Variants in SMYD3 observed in about 807,000 individuals in gnomAD.
SMYD3 encodes histone-lysine N-methyltransferase SMYD3.
Under a neutral mutation model 57.7 loss-of-function variants are expected in SMYD3, and 36 were observed. That is an observed-to-expected ratio of 0.62 (90% CI 0.48 to 0.82). SMYD3 has a LOEUF of 0.82. SMYD3 is among the 40% of genes least tolerant of loss of function. The pLI, the probability that SMYD3 is intolerant of heterozygous loss-of-function variation, is 0.00. For missense variants in SMYD3, 515 were observed against 538.8 expected, an observed-to-expected ratio of 0.96 and a Z score of 0.44; for synonymous variants, 211 against 195.0, an observed-to-expected ratio of 1.08 and a Z score of -0.68.
At chr1:246,201,749 A>G (rs2062925829) in intron 5 of SMYD3, among the ~76,000 whole-genome samples, 1 of 152,208 alleles carries the variant, frequency 6.6e-6, no homozygotes, top group Admixed American at 6.5e-5. Flanking sequence ...GCGGTGGCTC[A>G]CGCCAGTAAT....
intron 5 of SMYD3, among the ~76,000 whole-genome samples, chr1:245,974,432 T>A (rs1290280126): frequency 1.3e-5 from 2 of 152,226 alleles, no homozygotes; most frequent in Non-Finnish European, 2.9e-5. Flanking sequence ...TATTTCATTT[T>A]TCCCATCTCC....
intron 5 of SMYD3, among the ~76,000 whole-genome samples, chr1:246,085,551 T>C (rs2060708251): frequency 6.6e-6 from 1 of 152,158 alleles, no homozygotes; most frequent in African/African-American, 2.4e-5. Context: ...TCTCCAAACA[T>C]GCAGTGACAT....
At chr1:246,506,999 C>CCCCCGCA in intron 1 of SMYD3, 55 bp downstream of exon 1, 1 of 972,794 alleles carries the variant, frequency 1.0e-6, no homozygotes, top group South Asian at 1.9e-5. Context: ...GCCCCCCCCT[C>CCCCCGCA]CCCAGCACCC....
chr1:245,910,335 T>C (rs2054876894), intron 8 of SMYD3, among the ~76,000 whole-genome samples: 1 of 152,076 alleles, frequency 6.6e-6, no homozygotes, highest in Admixed American at 6.6e-5. Flanking sequence ...CCCATGTGGA[T>C]TGGAAGAATA....
In SMYD3 at chr1:246,156,056, A is replaced by C. The variant is rs113850431; in HGVS notation, c.531+171145T>G. 8.8e-3 allele frequency among the ~76,000 whole-genome samples: 1,312 copies of C among 149,004 alleles called. 18 individuals are homozygous for C. The highest frequency in any genetic ancestry group is 0.03 in the African/African-American group (1,216 of 40,742). ...TGAGCTACAGAGTTCGAAGGACAGA[A>C]TTTTTTTTTTTCAATTAATGTTAAG... is the stretch of plus-strand genomic sequence containing the variant. On this transcript the variant is annotated intron_variant, in intron 5 of 11. Transcript: ENST00000490107.
At chr1:246,363,192 C>T (rs1392237457) in intron 1 of SMYD3, among the ~76,000 whole-genome samples, 3 of 151,668 alleles carry the variant, frequency 2.0e-5, no homozygotes, top group Non-Finnish European at 4.4e-5. Flanking sequence ...CCGGCAGCCA[C>T]CCCGTCTGGG....
chr1:246,030,486 C>T (rs1173976906), intron 5 of SMYD3, among the ~76,000 whole-genome samples: 3 of 152,026 alleles, frequency 2.0e-5, no homozygotes, highest in Non-Finnish European at 4.4e-5. Flanking sequence ...ATGGAGTTTG[C>T]GTGTTCTGCA....
chr1:246,042,502 C>T (rs1402806214), intron 5 of SMYD3, among the ~76,000 whole-genome samples: 2 of 152,166 alleles, frequency 1.3e-5, no homozygotes, highest in Non-Finnish European at 2.9e-5. Flanking sequence ...CACCGGTCTG[C>T]TCTTTGGGAA....
intron 8 of SMYD3, among the ~76,000 whole-genome samples, chr1:245,904,394 C>T (rs544647042): frequency 1.3e-5 from 2 of 152,300 alleles, no homozygotes; most frequent in East Asian, 3.9e-4. Flanking sequence ...ATTACCCAGT[C>T]TCAGGTAATA....
At chr1:246,263,777 AG>A (rs1572301146) in intron 5 of SMYD3, among the ~76,000 whole-genome samples, 1 of 152,352 alleles carries the variant, frequency 6.6e-6, no homozygotes, top group South Asian at 2.1e-4. Context: ...AAACCTAAAT[AG>A]TGGTTAATTT....
intron 5 of SMYD3, among the ~76,000 whole-genome samples, chr1:246,091,501 A>AG (rs936212538): frequency 2.0e-5 from 3 of 152,112 alleles, no homozygotes; most frequent in Non-Finnish European, 4.4e-5. Flanking sequence ...ACAAAAAAAA[A>AG]AAAAAAAGAA....
At chr1:246,367,674 C>T (rs532022226) in intron 1 of SMYD3, among the ~76,000 whole-genome samples, 1 of 152,054 alleles carries the variant, frequency 6.6e-6, no homozygotes, top group Non-Finnish European at 1.5e-5. Context: ...TCAAGTGATC[C>T]GCCCACCTCA....
chr1:245,995,368 C>G (rs2058906241), intron 5 of SMYD3, among the ~76,000 whole-genome samples: 1 of 152,158 alleles, frequency 6.6e-6, no homozygotes, highest in Non-Finnish European at 1.5e-5. Context: ...ACCCATATGA[C>G]AAGTATTTAG....
At chr1:246,102,336 G>A (rs1036716719) in intron 5 of SMYD3, among the ~76,000 whole-genome samples, 22 of 152,190 alleles carry the variant, frequency 1.4e-4, no homozygotes, top group Admixed American at 7.8e-4. Flanking sequence ...CCACTGCACC[G>A]TCTCTCAGGT....
intron 8 of SMYD3, among the ~76,000 whole-genome samples, chr1:245,864,222 C>T (rs2051704226): frequency 1.3e-5 from 2 of 152,100 alleles, no homozygotes; most frequent in Non-Finnish European, 2.9e-5. Context: ...TTTCATGTTC[C>T]CAATTAGAGT....
intron 5 of SMYD3, among the ~76,000 whole-genome samples, chr1:246,169,665 C>T (rs530477067): frequency 6.6e-6 from 1 of 152,074 alleles, no homozygotes; most frequent in East Asian, 1.9e-4. Context: ...TCCCAGCATT[C>T]GGCCAAGGCA....
At chr1:245,853,561 G>A (rs1438671869) in intron 10 of SMYD3, among the ~76,000 whole-genome samples, 1 of 152,150 alleles carries the variant, frequency 6.6e-6, no homozygotes, top group Non-Finnish European at 1.5e-5. Context: ...CATGTACCCG[G>A]CAAGCTCTGC....
intron 1 of SMYD3, among the ~76,000 whole-genome samples, chr1:246,397,076 C>A (rs538674995): frequency 4.6e-5 from 7 of 152,160 alleles, no homozygotes; most frequent in Non-Finnish European, 1.0e-4. Flanking sequence ...CATCTCTTTG[C>A]CTGTTCATGG....
chr1:245,983,524 TC>T (rs2058643413), intron 5 of SMYD3, among the ~76,000 whole-genome samples: 1 of 152,216 alleles, frequency 6.6e-6, no homozygotes, highest in East Asian at 1.9e-4. Flanking sequence ...GTTTGACTTT[TC>T]TTCTTAAAAA....
Sources: gnomAD v4.1 joint callset for allele counts (sites outside exome capture counted in the v4.1 genomes callset) on GRCh38, gnomAD v4.1.1 for gene constraint, MANE v1.5 for transcripts, NCBI Gene and HGNC (gene_info 2026-07-23, HGNC 2026-07-21) for gene names.